Variants in PRRX2 observed in about 807,000 individuals in gnomAD.
The protein encoded by PRRX2 is paired mesoderm homeobox protein 2.
In PRRX2, 11 loss-of-function variants were observed where a neutral mutation model predicts 18.0. That is an observed-to-expected ratio of 0.61 (90% confidence interval 0.39 to 1.01). The LOEUF is 1.01. Among genes scored for constraint, PRRX2 ranks in the 50% least tolerant of loss-of-function variants. The probability of loss-of-function intolerance (pLI) is 0.01; values close to 1 mark genes in which losing one functional copy is unlikely to be tolerated. For synonymous variants in PRRX2, 177 were observed against 154.8 expected (o/e 1.14, Z -1.06); for missense variants, 387 against 351.0 (o/e 1.10, Z -0.82).
At chr9:129,667,943 A>G (rs1192923580) in intron 1 of PRRX2, among the ~76,000 whole-genome samples, 1 of 152,142 alleles carries the variant, frequency 6.6e-6, no homozygotes, top group Non-Finnish European at 1.5e-5. Flanking sequence ...GCATTGGCAC[A>G]CTGGGAGTAC....
At chr9:129,703,274 A>G (rs1173117422) in intron 1 of PRRX2, among the ~76,000 whole-genome samples, 1 of 152,194 alleles carries the variant, frequency 6.6e-6, no homozygotes, top group African/African-American at 2.4e-5. Flanking sequence ...TGGCCAATTA[A>G]GCCGCAGGAG....
At chr9:129,701,071 G>A (rs1564151722) in intron 1 of PRRX2, among the ~76,000 whole-genome samples, 1 of 152,242 alleles carries the variant, frequency 6.6e-6, no homozygotes, top group African/African-American at 2.4e-5. Flanking sequence ...ATTTTTCACA[G>A]TGTTTACAAT....
chr9:129,666,571 A>ACCACC (rs1554780744), intron 1 of PRRX2, among the ~76,000 whole-genome samples: 1 of 95,424 alleles, frequency 1.0e-5, no homozygotes, highest in Non-Finnish European at 2.3e-5. Context: ...GTGCCTGCCC[A>ACCACC]CCCCCCCCCA....
At chr9:129,684,666 G>A (rs1440283231) in intron 1 of PRRX2, among the ~76,000 whole-genome samples, 1 of 152,166 alleles carries the variant, frequency 6.6e-6, no homozygotes, top group Non-Finnish European at 1.5e-5. Context: ...GCTGTGTGGG[G>A]TGGGGCCTCA....
chr9:129,722,007 C>T (rs1421943157), intron 3 of PRRX2, among the ~76,000 whole-genome samples: 1 of 152,140 alleles, frequency 6.6e-6, no homozygotes. Flanking sequence ...GCTCATGGCT[C>T]ATATGGAGGC....
chr9:129,669,505 C>G (rs7867280), intron 1 of PRRX2, among the ~76,000 whole-genome samples: 35,179 of 152,284 alleles, frequency 0.23, 4,691 homozygotes, highest in African/African-American at 0.37. Flanking sequence ...GCCCCTAGAG[C>G]CAGGCAGGGG....
intron 1 of PRRX2, among the ~76,000 whole-genome samples, chr9:129,684,556 A>C: frequency 6.7e-6 from 1 of 150,318 alleles, no homozygotes; most frequent in Non-Finnish European, 1.5e-5. Context: ...GAGACCAGAA[A>C]TCTCCGAAAA....
In PRRX2 at chr9:129,719,319, G is replaced by A. The variant is rs759266648; in HGVS notation, c.348G>A (p.Leu116=). 3.1e-6 allele frequency: 5 copies of A among 1,609,198 alleles called. No individual in the cohort carries two copies. Among genetic ancestry groups the A allele is most frequent in the Non-Finnish European group, 4.2e-6 (5 of 1,178,280 alleles). Residue 116 remains leucine (L), a synonymous_variant, in exon 2 of 4, where the codon CTG becomes CTA. Coordinates refer to ENST00000372469, the MANE Select transcript of PRRX2 (RefSeq NM_016307.4). ...GCACCACGTTCAACAGCAGCCAACTGCAGGCGCTGGAGCGCGTGTTCGAGC... is the reference window on the plus strand; with the variant it reads ...GCACCACGTTCAACAGCAGCCAACTACAGGCGCTGGAGCGCGTGTTCGAGC... ...RNRTTFNSSQ[L]QALERVFERT...
chr9:129,708,571 T>C (rs1832583640), intron 1 of PRRX2, among the ~76,000 whole-genome samples: 1 of 152,242 alleles, frequency 6.6e-6, no homozygotes, highest in Non-Finnish European at 1.5e-5. Flanking sequence ...ATAAGTCCCT[T>C]ACCAAATATG....
intron 1 of PRRX2, among the ~76,000 whole-genome samples, chr9:129,692,917 A>G (rs1393868244): frequency 6.6e-6 from 1 of 152,178 alleles, no homozygotes; most frequent in African/African-American, 2.4e-5. Context: ...GGAACCAAGG[A>G]GTGTGATGGC....
intron 2 of PRRX2, 77 bp downstream of exon 2, chr9:129,719,495 A>T: frequency 7.2e-7 from 1 of 1,391,614 alleles, no homozygotes; most frequent in Non-Finnish European, 9.3e-7. Context: ...GGGATTACAC[A>T]GTTGCCCAGG....
chr9:129,700,764 C>T (rs562989173), intron 1 of PRRX2, among the ~76,000 whole-genome samples: 14 of 152,088 alleles, frequency 9.2e-5, no homozygotes, highest in Non-Finnish European at 2.1e-4. Context: ...ACTACAGGTG[C>T]GTGCCACCAT....
intron 1 of PRRX2, among the ~76,000 whole-genome samples, chr9:129,687,623 T>A (rs187397365): frequency 3.5e-4 from 54 of 152,314 alleles, no homozygotes; most frequent in Non-Finnish European, 1.5e-5. Context: ...GCTGCCTGGA[T>A]GAATGAATGA....
chr9:129,721,077 C>T (rs1832785334), intron 3 of PRRX2, among the ~76,000 whole-genome samples: 1 of 152,226 alleles, frequency 6.6e-6, no homozygotes, highest in Non-Finnish European at 1.5e-5. Flanking sequence ...GCATGCGTGT[C>T]CACAGGGGTG....
intron 1 of PRRX2, among the ~76,000 whole-genome samples, chr9:129,687,562 T>A (rs1272614619): frequency 1.3e-5 from 2 of 152,206 alleles, no homozygotes; most frequent in African/African-American, 4.8e-5. Context: ...CTCTGCACAC[T>A]CAAGGCTGTG....
In PRRX2 at chr9:129,715,757, C is replaced by T. The variant is rs1832697812; in HGVS notation, c.260-3474C>T. On this transcript the variant is annotated intron_variant, in intron 1 of 3. Coordinates refer to ENST00000372469, the MANE Select transcript of PRRX2 (RefSeq NM_016307.4). The surrounding 1 kb of genome is among the most constrained non-coding windows in gnomAD (Gnocchi z 4.0). ...GCTTCAGGGACATCTTTCTCACACACACACACACACACACACACACACACA... is the reference window on the plus strand; with the variant it reads ...GCTTCAGGGACATCTTTCTCACACATACACACACACACACACACACACACA... Among the ~76,000 whole-genome samples, 1 of 134,756 alleles carries T rather than the reference C, an allele frequency of 7.4e-6. No homozygotes were observed. Among genetic ancestry groups the T allele is most frequent in the South Asian group, 2.3e-4 (1 of 4,426 alleles). 88.4% of individuals were successfully genotyped at this position (134,756 alleles called of 152,430 possible).
chr9:129,721,981 G>A (rs1434250947), intron 3 of PRRX2, among the ~76,000 whole-genome samples: 2 of 152,236 alleles, frequency 1.3e-5, no homozygotes, highest in Admixed American at 1.3e-4. Context: ...ACCAACCCAG[G>A]CCCTGCTGTC....
In PRRX2 at chr9:129,666,015, G is replaced by C; in HGVS notation, c.148G>C (p.Ala50Pro). ...VSHLLDLEEV[A>P]AAGRLAARPG... The stretch of plus-strand genomic sequence containing the variant: ...CCACCTCCTGGACCTGGAAGAGGTG[G>C]CGGCGGCCGGGCGGCTGGCGGCGCG... Residue 50 changes from alanine (A) to proline (P), a missense_variant, in exon 1 of 4, where the codon GCG becomes CCG. By Grantham distance (27) the Ala-to-Pro change is conservative (BLOSUM62 -1). Transcript: ENST00000372469. 9.4e-7 allele frequency: 1 copy of C among 1,066,032 alleles called. No individual in the cohort carries two copies. Among genetic ancestry groups the C allele is most frequent in the Middle Eastern group, 4.4e-4 (1 of 2,274 alleles). 66.0% of individuals were successfully genotyped at this position (1,066,032 alleles called of 1,614,324 possible). A position where few individuals can be genotyped will look rare whatever the true frequency, so the allele number is the denominator to read the frequency against.
Position 129,722,212 on chromosome 9 carries a change from C to T in PRRX2, c.627-5C>T. On this transcript the variant is annotated splice_polypyrimidine_tract_variant and splice_region_variant and intron_variant, in intron 3 of 3. Coordinates refer to ENST00000372469, the MANE Select transcript of PRRX2 (RefSeq NM_016307.4). The stretch of plus-strand genomic sequence containing the variant: ...CATGTGACCTGTGTCTCATGTCGCC[C>T]CCAGCACAGTGCCACCCTACAGCCC... 6.2e-7 allele frequency: 1 copy of T among 1,613,072 alleles called. No homozygotes were observed. Among genetic ancestry groups the T allele is most frequent in the East Asian group, 2.2e-5 (1 of 44,866 alleles).
Sources: allele counts gnomAD v4.1 joint callset (sites outside exome capture counted in the v4.1 genomes callset), GRCh38; gene constraint gnomAD v4.1.1; non-coding constraint Gnocchi (gnomAD v3.1); transcripts MANE v1.5; gene names NCBI Gene and HGNC (gene_info 2026-07-23, HGNC 2026-07-21).